The following ELAVL1 variants were observed in gnomAD, a reference collection of about 807,000 sequenced individuals.
ELAVL1 encodes the protein ELAV like RNA binding protein 1.
ELAVL1 carries 1 observed loss-of-function variant against 28.4 expected under a neutral mutation model. The ratio of observed to expected loss-of-function variants is 0.04; its 90% confidence interval spans 0.01 to 0.17. The LOEUF (loss-of-function observed/expected upper bound fraction) is 0.17. Ranked by LOEUF, ELAVL1 falls within the 10% of genes least tolerant of loss-of-function variation. The probability of loss-of-function intolerance (pLI) is 1.00; values close to 1 mark genes in which losing one functional copy is unlikely to be tolerated. For missense variants in ELAVL1, 157 were observed against 447.2 expected (o/e 0.35, Z 5.85); for synonymous variants, 174 against 183.5 (o/e 0.95, Z 0.42).
rs915116117 is a variant in ELAVL1 at position 7,961,941 on chromosome 19, G to T, written c.*1542C>A. On this transcript the variant is annotated 3_prime_UTR_variant, in exon 6 of 6. Coordinates refer to ENST00000407627, the MANE Select transcript of ELAVL1 (RefSeq NM_001419.3). ...GCCTACGGTCACGTTTTAGTCTCAC[G>T]TCAAGGTTAAAAACTGCTGGTACTA... 6.6e-6 allele frequency: 1 copy of T among 152,536 alleles called. No homozygotes were observed. Among genetic ancestry groups the T allele is most frequent in the Non-Finnish European group, 1.5e-5 (1 of 68,038 alleles). 9.4% of individuals were successfully genotyped at this position (152,536 alleles called of 1,614,324 possible). A position where few individuals can be genotyped will look rare whatever the true frequency, so the allele number is the denominator to read the frequency against.
In ELAVL1 at chr19:7,983,273, G is replaced by A. The variant is rs115010801; in HGVS notation, c.173-2087C>T. Among the ~76,000 whole-genome samples the A allele has an allele frequency of 4.9e-3, 742 of 152,294 alleles. 9 individuals are homozygous for A. Among genetic ancestry groups the A allele is most frequent in the African/African-American group, 0.017 (707 of 41,546 alleles). The stretch of plus-strand genomic sequence containing the variant: ...GCACCAAGACCGTAGGACCAGGCCC[G>A]TGTGGAGCGAATTGGGATCGCAGCT... On this transcript the variant is annotated intron_variant, in intron 2 of 5. Coordinates refer to ENST00000407627, the MANE Select transcript of ELAVL1 (RefSeq NM_001419.3).
At chr19:7,974,775 G>A (rs1187787635) in intron 3 of ELAVL1, among the ~76,000 whole-genome samples, 1 of 152,192 alleles carries the variant, frequency 6.6e-6, no homozygotes, top group African/African-American at 2.4e-5. Flanking sequence ...CAGAACTGAT[G>A]AGCCAAGGTA....
At chr19:7,986,754 G>T (rs959375468) in intron 2 of ELAVL1, among the ~76,000 whole-genome samples, 1 of 152,224 alleles carries the variant, frequency 6.6e-6, no homozygotes, top group Non-Finnish European at 1.5e-5. Context: ...CGATGATGAT[G>T]GGATCGCGAG....
intron 5 of ELAVL1, among the ~76,000 whole-genome samples, chr19:7,965,592 C>A (rs1257751539): frequency 6.6e-6 from 1 of 152,136 alleles, no homozygotes; most frequent in Non-Finnish European, 1.5e-5. Context: ...TCCCTCCAGA[C>A]TCTCCCGCCC....
In ELAVL1 at chr19:7,961,514, A is replaced by G. The variant is rs1169752313; in HGVS notation, c.*1969T>C. On this transcript the variant is annotated 3_prime_UTR_variant, in exon 6 of 6. Coordinates refer to ENST00000407627, the MANE Select transcript of ELAVL1 (RefSeq NM_001419.3). ...TTTTCCAGGAAAGCATTCTGGTCCC[A>G]GGATGCAGACTGCTCTCGGGCAACA... The G allele has an allele frequency of 6.6e-6, 1 of 152,262 alleles. No individual in the cohort carries two copies. The highest frequency in any genetic ancestry group is 1.5e-5 in the Non-Finnish European group (1 of 68,058). The allele number at this position is 152,262 out of a possible 1,614,324, so 9.4% of individuals were successfully genotyped here. A position where few individuals can be genotyped will look rare whatever the true frequency, so the allele number is the denominator to read the frequency against.
chr19:7,992,029 G>A (rs991600586), intron 1 of ELAVL1, among the ~76,000 whole-genome samples, 198 bp from the exon 2 acceptor site: 4 of 150,368 alleles, frequency 2.7e-5, no homozygotes, highest in Non-Finnish European at 5.9e-5. Context: ...CAACCTCTGC[G>A]TCCCAGGTTC....
chr19:7,997,450 T>C (rs763931111), intron 1 of ELAVL1, among the ~76,000 whole-genome samples: 4 of 152,054 alleles, frequency 2.6e-5, no homozygotes, highest in Non-Finnish European at 4.4e-5. Flanking sequence ...GGCAAAACCA[T>C]AGGGATGGAT....
At chr19:7,971,835 G>A (rs981772888) in intron 4 of ELAVL1, among the ~76,000 whole-genome samples, 5 of 152,214 alleles carry the variant, frequency 3.3e-5, no homozygotes, top group South Asian at 2.1e-4. Context: ...TCCTACAGCC[G>A]GAAAGGAGGA....
Position 7,982,484 on chromosome 19 carries a change from C to A in ELAVL1, c.173-1298G>T, listed in dbSNP as rs1985490397. Among the ~76,000 whole-genome samples, 1 of 152,228 alleles carries A rather than the reference C, an allele frequency of 6.6e-6. No individual in the cohort carries two copies. Among genetic ancestry groups the A allele is most frequent in the Non-Finnish European group, 1.5e-5 (1 of 68,044 alleles). On this transcript the variant is annotated intron_variant, in intron 2 of 5. Transcript: ENST00000407627. This position sits in a 1 kb window ranked among gnomAD's most constrained non-coding sequence, Gnocchi z 4.3. ...CTCACCGACAGCAAGATTACAAATC[C>A]AGCAGAGAGCCTAACCCAGGTTTGC...
At chr19:7,970,677 G>A (rs888283103) in intron 4 of ELAVL1, among the ~76,000 whole-genome samples, 1 of 152,176 alleles carries the variant, frequency 6.6e-6, no homozygotes, top group African/African-American at 2.4e-5. Flanking sequence ...GGATATAGAA[G>A]CGAAGGAATA....
intron 5 of ELAVL1, among the ~76,000 whole-genome samples, chr19:7,965,363 A>G (rs1040822431): frequency 5.3e-5 from 8 of 152,196 alleles, no homozygotes; most frequent in Non-Finnish European, 1.0e-4. Context: ...GGCGTGAGTC[A>G]ATGCGCCCGG....
chr19:7,969,428 G>A (rs1028197942), intron 4 of ELAVL1, among the ~76,000 whole-genome samples: 5 of 152,030 alleles, frequency 3.3e-5, no homozygotes, highest in African/African-American at 7.3e-5. Flanking sequence ...CCCCACAATC[G>A]CGACACTGCA....
At chr19:8,002,718 C>G (rs2081072408) in intron 1 of ELAVL1, among the ~76,000 whole-genome samples, 1 of 152,198 alleles carries the variant, frequency 6.6e-6, no homozygotes, top group Non-Finnish European at 1.5e-5. Flanking sequence ...GGCCAGTGAG[C>G]TCTGGGCTGA....
chr19:7,983,805 C>A (rs147176153), intron 2 of ELAVL1, among the ~76,000 whole-genome samples: 5 of 152,280 alleles, frequency 3.3e-5, no homozygotes, highest in African/African-American at 9.6e-5. Context: ...CAAGTCCCTG[C>A]TTCCTCATCT....
At chr19:7,984,382 C>T (rs1433099771) in intron 2 of ELAVL1, among the ~76,000 whole-genome samples, 2 of 152,160 alleles carry the variant, frequency 1.3e-5, no homozygotes, top group Non-Finnish European at 2.9e-5. Context: ...TAAACCTCTG[C>T]GTGGCTGACG....
chr19:7,986,983 C>A lies in ELAVL1; in HGVS notation c.172+4661G>T, dbSNP rs79069722. On this transcript the variant is annotated intron_variant, in intron 2 of 5. Coordinates refer to ENST00000407627, the MANE Select transcript of ELAVL1 (RefSeq NM_001419.3). Reference sequence around the variant, plus strand: ...TTGGCTCATGCTTAAGTTTTTTTTTCTGTGAGGAGCAAACATGACTCATAT... The same window carrying A: ...TTGGCTCATGCTTAAGTTTTTTTTTATGTGAGGAGCAAACATGACTCATAT... Among the ~76,000 whole-genome samples, 514 of 151,674 alleles carry A rather than the reference C, an allele frequency of 3.4e-3. 2 individuals carry two copies. The highest frequency in any genetic ancestry group is 5.0e-3 in the Non-Finnish European group (342 of 67,914).
At chr19:7,967,813 C>T (rs754846758) in intron 4 of ELAVL1, 23 bp from the exon 5 acceptor site, 27 of 1,605,512 alleles carry the variant, frequency 1.7e-5, no homozygotes, top group Admixed American at 8.4e-5. Flanking sequence ...TCAACAAAAA[C>T]GGAGTTAGGG....
chr19:7,993,759 C>T (rs1342331118), intron 1 of ELAVL1, among the ~76,000 whole-genome samples: 2 of 152,136 alleles, frequency 1.3e-5, no homozygotes, highest in East Asian at 1.9e-4. Context: ...ATCCCTGTTG[C>T]TCAATTCTGT....
chr19:7,991,568 A>G, intron 2 of ELAVL1, 76 bp downstream of exon 2: 2 of 1,444,114 alleles, frequency 1.4e-6, no homozygotes, highest in Non-Finnish European at 1.9e-6. Context: ...AATGCCACAG[A>G]GTCACAGGCA....
Sources: gnomAD v4.1 joint callset for allele counts (sites outside exome capture counted in the v4.1 genomes callset) on GRCh38, gnomAD v4.1.1 for gene constraint, Gnocchi (gnomAD v3.1) non-coding constraint, MANE v1.5 for transcripts, NCBI Gene and HGNC (gene_info 2026-07-23, HGNC 2026-07-21) for gene names.